The following ZCWPW2 variants were observed in gnomAD, a reference collection of about 807,000 sequenced individuals.
The protein encoded by ZCWPW2 is zinc finger CW-type PWWP domain protein 2.
A neutral mutation model predicts 46.6 loss-of-function variants in ZCWPW2; 45 were observed. That is an observed-to-expected ratio of 0.96 (90% CI 0.76 to 1.24). The LOEUF is 1.24. ZCWPW2 is among the 50% of genes most tolerant of loss of function. ZCWPW2 has a pLI of 0.00. For missense variants in ZCWPW2, 429 were observed against 403.9 expected (o/e 1.06, Z -0.53); for synonymous variants, 152 against 137.1 (o/e 1.11, Z -0.76).
chr3:28,383,660 T>C (rs1301170335), intron 1 of ZCWPW2, among the ~76,000 whole-genome samples: 1 of 152,014 alleles, frequency 6.6e-6, no homozygotes. Context: ...AGTCAAGACA[T>C]TCTAAATATT....
At chr3:28,486,867 A>C (rs1699615683) in intron 5 of ZCWPW2, among the ~76,000 whole-genome samples, 1 of 151,792 alleles carries the variant, frequency 6.6e-6, no homozygotes, top group African/African-American at 2.4e-5. Context: ...CCTATTTCAA[A>C]AGAAAAAAAA....
At chr3:28,463,747 G>C (rs1048294875) in intron 4 of ZCWPW2, among the ~76,000 whole-genome samples, 1 of 151,972 alleles carries the variant, frequency 6.6e-6, no homozygotes, top group African/African-American at 2.4e-5. Context: ...AGGCTGAGGT[G>C]GGAGGATCCC....
chr3:28,439,234 A>G (rs78542908), intron 4 of ZCWPW2, among the ~76,000 whole-genome samples: 1 of 151,778 alleles, frequency 6.6e-6, no homozygotes, highest in African/African-American at 2.4e-5. Context: ...GCTGTCTTCA[A>G]GCTTGAGGAG....
intron 2 of ZCWPW2, among the ~76,000 whole-genome samples, chr3:28,395,390 G>A (rs1245042502): frequency 6.6e-6 from 1 of 152,120 alleles, no homozygotes; most frequent in African/African-American, 2.4e-5. Context: ...ATGTATTCCA[G>A]CAATCTTACT....
chr3:28,360,777 A>T (rs1182701986), intron 1 of ZCWPW2, among the ~76,000 whole-genome samples: 1 of 152,106 alleles, frequency 6.6e-6, no homozygotes, highest in Non-Finnish European at 1.5e-5. Context: ...CTATCCTAAA[A>T]CTCATATGGC....
intron 5 of ZCWPW2, among the ~76,000 whole-genome samples, chr3:28,484,208 A>G (rs1430203648): frequency 6.6e-6 from 1 of 151,194 alleles, no homozygotes; most frequent in African/African-American, 2.4e-5. Context: ...ATCTGCTTAC[A>G]TGGTCATGTG....
chr3:28,360,871 A>G (rs911750856), intron 1 of ZCWPW2, among the ~76,000 whole-genome samples: 1 of 152,202 alleles, frequency 6.6e-6, no homozygotes, highest in South Asian at 2.1e-4. Flanking sequence ...TACGTTAATC[A>G]AAACAGTATG....
chr3:28,391,578 G>T (rs1300018507), intron 2 of ZCWPW2, among the ~76,000 whole-genome samples: 1 of 152,186 alleles, frequency 6.6e-6, no homozygotes, highest in African/African-American at 2.4e-5. Flanking sequence ...AAGGGCAGGG[G>T]CTACTAGTAT....
At chr3:28,506,087 A>T (rs1700267490) in intron 6 of ZCWPW2, among the ~76,000 whole-genome samples, 1 of 146,932 alleles carries the variant, frequency 6.8e-6, no homozygotes, top group South Asian at 2.1e-4. Context: ...TATATATATT[A>T]TATATATAAT....
rs62250312 is a variant in ZCWPW2, at chr3:28,509,740, T to A, written c.658-4324T>A. 5.9e-3 allele frequency among the ~76,000 whole-genome samples: 896 copies of A among 152,310 alleles called. 7 individuals carry two copies. The highest frequency in any genetic ancestry group is 0.02 in the Admixed American group (301 of 15,284). ...TAGATACAATTTCTTATCAAATATATGATTTGAAAATATTTTTTTCTCATT... is the reference window on the plus strand; with the variant it reads ...TAGATACAATTTCTTATCAAATATAAGATTTGAAAATATTTTTTTCTCATT... On this transcript the variant is annotated intron_variant, in intron 6 of 9. Transcript: ENST00000383768.
intron 6 of ZCWPW2, among the ~76,000 whole-genome samples, chr3:28,497,057 T>C (rs938368312): frequency 1.3e-5 from 2 of 149,928 alleles, no homozygotes; most frequent in Non-Finnish European, 3.0e-5. Flanking sequence ...TAATACATTA[T>C]TTATATAATA....
chr3:28,421,829 ATAGT>A (rs143722472), intron 3 of ZCWPW2, among the ~76,000 whole-genome samples: 45 of 110,586 alleles, frequency 4.1e-4, no homozygotes, highest in African/African-American at 1.5e-3. Context: ...ATGTTGGAGA[ATAGT>A]TTGTGTGTGT....
At chr3:28,405,683 C>A (rs1382979180) in intron 2 of ZCWPW2, among the ~76,000 whole-genome samples, 2 of 151,990 alleles carry the variant, frequency 1.3e-5, no homozygotes, top group Admixed American at 1.3e-4. Flanking sequence ...ACTGTGTTGG[C>A]CAGGCTGGTC....
At chr3:28,440,496 T>C (rs1212250932) in intron 4 of ZCWPW2, among the ~76,000 whole-genome samples, 1 of 152,182 alleles carries the variant, frequency 6.6e-6, no homozygotes, top group African/African-American at 2.4e-5. Context: ...AACAGTACCA[T>C]ATAATGGATG....
At chr3:28,350,148 T>G (rs1704486874) in intron 1 of ZCWPW2, among the ~76,000 whole-genome samples, 1 of 152,188 alleles carries the variant, frequency 6.6e-6, no homozygotes, top group Non-Finnish European at 1.5e-5. Flanking sequence ...TTTTATTGCT[T>G]CCATGATGCA....
At chr3:28,392,059 A>G (rs1695514089) in intron 2 of ZCWPW2, among the ~76,000 whole-genome samples, 1 of 152,208 alleles carries the variant, frequency 6.6e-6, no homozygotes, top group Admixed American at 6.5e-5. Flanking sequence ...TGTTTTAAAG[A>G]AAGATCTGAT....
chr3:28,361,367 AAAAATTGACTC>A (rs1704938048), intron 1 of ZCWPW2, among the ~76,000 whole-genome samples: 1 of 152,216 alleles, frequency 6.6e-6, no homozygotes, highest in Non-Finnish European at 1.5e-5. Context: ...CACCATACAC[AAAAATTGACTC>A]AAAATAGATT....
intron 4 of ZCWPW2, among the ~76,000 whole-genome samples, chr3:28,459,327 G>A (rs11926399): frequency 0.28 from 42,036 of 151,470 alleles, 6,027 homozygotes; most frequent in Middle Eastern, 0.33. Context: ...CCAAGATTGC[G>A]CCACTGCACT....
intron 1 of ZCWPW2, among the ~76,000 whole-genome samples, chr3:28,353,796 A>G (rs1386430825): frequency 2.0e-5 from 3 of 152,254 alleles, no homozygotes; most frequent in Non-Finnish European, 2.9e-5. Context: ...AGCCTTTGAC[A>G]TGAACAATCA....
Sources: gnomAD v4.1 joint callset for allele counts (sites outside exome capture counted in the v4.1 genomes callset) on GRCh38, gnomAD v4.1.1 for gene constraint, MANE v1.5 for transcripts, NCBI Gene and HGNC (gene_info 2026-07-23, HGNC 2026-07-21) for gene names.